The following TMEM116 variants were observed in gnomAD, a reference collection of about 807,000 sequenced individuals.
TMEM116 encodes transmembrane protein 116.
TMEM116 carries 38 observed loss-of-function variants against 44.3 expected under a neutral mutation model. That is an observed-to-expected ratio of 0.86 (90% CI 0.66 to 1.12). TMEM116 has a LOEUF of 1.12. TMEM116 is among the 50% of genes most tolerant of loss of function. The pLI, the probability that TMEM116 is intolerant of heterozygous loss-of-function variation, is 0.00. For synonymous variants in TMEM116, 132 were observed against 144.8 expected, an observed-to-expected ratio of 0.91 and a Z score of 0.64; for missense variants, 354 against 401.7, an observed-to-expected ratio of 0.88 and a Z score of 1.01.
At chr12:112,007,032 G>C (rs2077616936) in intron 1 of TMEM116, among the ~76,000 whole-genome samples, 1 of 152,222 alleles carries the variant, frequency 6.6e-6, no homozygotes, top group Non-Finnish European at 1.5e-5. Flanking sequence ...TTGAGGCCAG[G>C]AGTTTGAGGC....
intron 4 of TMEM116, among the ~76,000 whole-genome samples, chr12:111,968,937 G>A (rs1477369995): frequency 2.1e-5 from 3 of 141,966 alleles, no homozygotes; most frequent in Non-Finnish European, 4.5e-5. Context: ...AGGTTGCAGT[G>A]AGCCCACGTC....
At chr12:112,007,248 T>G (rs1426648091) in intron 1 of TMEM116, among the ~76,000 whole-genome samples, 4 of 152,108 alleles carry the variant, frequency 2.6e-5, no homozygotes, top group Non-Finnish European at 4.4e-5. Context: ...AACCTTTCTC[T>G]ACTAAAAATA....
intron 5 of TMEM116, among the ~76,000 whole-genome samples, chr12:111,941,996 T>C (rs990263470): frequency 1.3e-5 from 2 of 152,184 alleles, no homozygotes; most frequent in Non-Finnish European, 2.9e-5. Flanking sequence ...TGGAGTGCAA[T>C]GGTGCAATCT....
intron 4 of TMEM116, among the ~76,000 whole-genome samples, chr12:111,970,126 C>A (rs1447231288): frequency 6.6e-6 from 1 of 151,518 alleles, no homozygotes. Context: ...ATTAGCTGGG[C>A]TTGTAATCCT....
intron 4 of TMEM116, among the ~76,000 whole-genome samples, chr12:111,965,935 CAATA>C (rs1019789599): frequency 4.6e-5 from 7 of 151,632 alleles, no homozygotes; most frequent in South Asian, 2.1e-4. Context: ...GACTTTGTCT[CAATA>C]AATAAATAAA....
chr12:111,938,321 G>A lies in TMEM116; in HGVS notation c.316-111C>T. ...AGAACAAAAAGATTTCCAAAAGCCAGTTTGCTTCTGTCAAGCAATATTTGC... is the reference window on the plus strand; with the variant it reads ...AGAACAAAAAGATTTCCAAAAGCCAATTTGCTTCTGTCAAGCAATATTTGC... On this transcript the variant is annotated intron_variant, in intron 5 of 10. Transcript: ENST00000552374. The A allele has an allele frequency of 4.2e-6, 3 of 719,014 alleles. No individual in the cohort carries two copies. The South Asian group carries it at 8.5e-5, about 20-fold the overall frequency. The allele number at this position is 719,014 out of a possible 1,614,324, so 44.5% of individuals were successfully genotyped here. A position where few individuals can be genotyped will look rare whatever the true frequency, so the allele number is the denominator to read the frequency against.
intron 4 of TMEM116, among the ~76,000 whole-genome samples, chr12:111,972,784 T>C (rs1440891410): frequency 1.4e-5 from 2 of 145,522 alleles, no homozygotes; most frequent in Admixed American, 6.9e-5. Context: ...GAGGCTGAGG[T>C]AGAATTGCTG....
chr12:111,945,685 T>C lies in TMEM116; in HGVS notation c.211-2316A>G, dbSNP rs556464533. Among the ~76,000 whole-genome samples, 3 of 152,352 alleles carry C rather than the reference T, an allele frequency of 2.0e-5. No individual in the cohort carries two copies. The South Asian group carries it at 6.2e-4, about 32-fold the overall frequency. On this transcript the variant is annotated intron_variant, in intron 4 of 10. Coordinates refer to ENST00000552374, the MANE Select transcript of TMEM116 (RefSeq NM_001193531.2). ...AAACTCCCAGAGACACAAATATTCA[T>C]TGAATGACTACCTTGCATAAAGAAG...
At chr12:111,977,820 T>C (rs1291177614) in intron 4 of TMEM116, among the ~76,000 whole-genome samples, 1 of 152,020 alleles carries the variant, frequency 6.6e-6, no homozygotes, top group Non-Finnish European at 1.5e-5. Flanking sequence ...CATGAAACAA[T>C]ATAGTATTAT....
intron 3 of TMEM116, chr12:111,993,370 T>C (rs1028475344): frequency 1.3e-5 from 7 of 537,226 alleles, no homozygotes; most frequent in African/African-American, 7.7e-5. Flanking sequence ...CTGACTTTCA[T>C]TGGCCACTCC....
Position 111,934,014 on chromosome 12 carries a change from G to T in TMEM116, c.605C>A (p.Ala202Asp), listed in dbSNP as rs766133846. ...LLTIMVLLIR[A>D]QTLYKKFVKS... Reference sequence around the variant, plus strand: ...CACAAACTTCTTATACAATGTCTGGGCTCGGATAAGTAAGACCTAAATATG... The same window carrying T: ...CACAAACTTCTTATACAATGTCTGGTCTCGGATAAGTAAGACCTAAATATG... The change falls in exon 9 of 11, where the codon GCC becomes GAC. Residue 202 changes from alanine to aspartate, a missense_variant. Coordinates refer to ENST00000552374, the MANE Select transcript of TMEM116 (RefSeq NM_001193531.2). 1 of 1,614,050 alleles carries T rather than the reference G, an allele frequency of 6.2e-7. No homozygotes were observed. The highest frequency in any genetic ancestry group is 1.1e-5 in the South Asian group (1 of 91,076).
intron 8 of TMEM116, chr12:111,935,234 A>G (rs544678116): frequency 6.6e-6 from 1 of 152,500 alleles, no homozygotes; most frequent in Admixed American, 6.5e-5. Context: ...AGCTGGGACT[A>G]CAGGTGCATG....
At chr12:112,008,413 G>C (rs2136751722) in intron 1 of TMEM116, among the ~76,000 whole-genome samples, 1 of 151,624 alleles carries the variant, frequency 6.6e-6, no homozygotes, top group East Asian at 1.9e-4. Context: ...CCGGGAGGCG[G>C]AAGTTGTAGT....
intron 5 of TMEM116, among the ~76,000 whole-genome samples, chr12:111,938,900 A>G (rs2072417980): frequency 6.6e-6 from 1 of 152,028 alleles, no homozygotes. Flanking sequence ...TAGAAAACAT[A>G]TATTTGGAAT....
chr12:111,940,567 G>GTTTATA, intron 5 of TMEM116, among the ~76,000 whole-genome samples: 1 of 130,218 alleles, frequency 7.7e-6, no homozygotes, highest in East Asian at 3.5e-4. Flanking sequence ...ATATATGTGT[G>GTTTATA]TATATATATA....
At chr12:111,977,237 T>A (rs999145851) in intron 4 of TMEM116, among the ~76,000 whole-genome samples, 10 of 152,128 alleles carry the variant, frequency 6.6e-5, no homozygotes, top group African/African-American at 2.2e-4. Context: ...TAAAACCACT[T>A]TTTTTAGAGA....
chr12:112,003,745 T>C (rs2077413760), intron 3 of TMEM116, 55 bp downstream of exon 3: 1 of 1,486,386 alleles, frequency 6.7e-7, no homozygotes. Flanking sequence ...TGTTATTTGT[T>C]TCAGAGACTA....
chr12:111,932,453 TA>T (rs1463393772), intron 10 of TMEM116, 132 bp downstream of exon 10: 24 of 735,906 alleles, frequency 3.3e-5, no homozygotes, highest in Admixed American at 3.2e-4. Flanking sequence ...TAACTGAGTG[TA>T]AATAATACAT....
chr12:111,981,285 C>G (rs1169434951), intron 4 of TMEM116, among the ~76,000 whole-genome samples: 2 of 152,006 alleles, frequency 1.3e-5, no homozygotes, highest in Admixed American at 6.6e-5. Context: ...CAAAAATTTA[C>G]AAAACCCAGG....
Sources: gnomAD v4.1 joint callset for allele counts (sites outside exome capture counted in the v4.1 genomes callset) on GRCh38, gnomAD v4.1.1 for gene constraint, MANE v1.5 for transcripts, NCBI Gene and HGNC (gene_info 2026-07-23, HGNC 2026-07-21) for gene names.